OR2L13: variants seen among roughly 807,000 people sequenced by gnomAD.
The protein encoded by OR2L13 is olfactory receptor 2L13.
A neutral mutation model predicts 15.3 loss-of-function variants in OR2L13; 14 were observed. The ratio of observed to expected loss-of-function variants is 0.91; its 90% CI spans 0.60 to 1.43. The LOEUF (loss-of-function observed/expected upper bound fraction) is 1.43, where lower values mean the gene tolerates loss of function less well. Ranked by LOEUF, OR2L13 falls within the 40% of genes most tolerant of loss-of-function variation. OR2L13 has a pLI of 0.00. For missense variants in OR2L13, 367 were observed against 387.9 expected (o/e 0.95, Z 0.45); for synonymous variants, 152 against 142.9 (o/e 1.06, Z -0.45).
At chr1:248,048,951 G>A in the OR2L13 span, among the ~76,000 whole-genome samples, 3 of 141,042 alleles carry the variant, frequency 2.1e-5, no homozygotes, top group Non-Finnish European at 4.5e-5. Context: ...AAATCCACAC[G>A]TTTTCTGCAC....
chr1:248,048,054 G>C, the OR2L13 span, among the ~76,000 whole-genome samples: 1 of 152,174 alleles, frequency 6.6e-6, no homozygotes, highest in African/African-American at 2.4e-5. Flanking sequence ...ACAGCGTGAA[G>C]CAGAGTAAGC....
the OR2L13 span, among the ~76,000 whole-genome samples, chr1:248,014,270 TTAAAG>T: frequency 2.0e-5 from 3 of 152,088 alleles, no homozygotes; most frequent in Non-Finnish European, 4.4e-5. Flanking sequence ...TAGGAGGCCA[TTAAAG>T]TAAAGACAGA....
the OR2L13 span, among the ~76,000 whole-genome samples, chr1:248,089,710 T>C: frequency 6.6e-6 from 1 of 152,164 alleles, no homozygotes. Context: ...AAACTTGGAA[T>C]CCCACTAAAT....
the OR2L13 span, among the ~76,000 whole-genome samples, chr1:248,073,537 T>C: frequency 5.3e-5 from 8 of 151,760 alleles, no homozygotes; most frequent in East Asian, 1.5e-3. Flanking sequence ...AATTATGAGT[T>C]AATGGGTGCA....
chr1:248,005,451 T>A, the OR2L13 span, among the ~76,000 whole-genome samples: 3 of 152,312 alleles, frequency 2.0e-5, no homozygotes, highest in African/African-American at 4.8e-5. Context: ...TTATTCCATG[T>A]TTGTAGTATA....
At chr1:247,992,199 CTCTT>C in the OR2L13 span, among the ~76,000 whole-genome samples, 1 of 138,486 alleles carries the variant, frequency 7.2e-6, no homozygotes, top group Non-Finnish European at 1.6e-5. Flanking sequence ...AATATGTTTT[CTCTT>C]TCTGATGATT....
the OR2L13 span, among the ~76,000 whole-genome samples, chr1:248,068,501 TCAC>T: frequency 6.6e-6 from 1 of 151,920 alleles, no homozygotes; most frequent in Non-Finnish European, 1.5e-5. Context: ...CATCTGTACA[TCAC>T]CATCATCAAA....
chr1:248,080,643 A>C, the OR2L13 span, among the ~76,000 whole-genome samples: 1 of 152,164 alleles, frequency 6.6e-6, no homozygotes, highest in Non-Finnish European at 1.5e-5. Flanking sequence ...TTTGTGGTGT[A>C]TATGGGGCAC....
chr1:248,024,366 A>G, the OR2L13 span: 1 of 152,230 alleles, frequency 6.6e-6, no homozygotes, highest in Admixed American at 6.5e-5. Context: ...TGACTGTAAA[A>G]TTCAAGGAAA....
the OR2L13 span, among the ~76,000 whole-genome samples, chr1:247,959,834 A>T: frequency 5.9e-5 from 9 of 152,092 alleles, no homozygotes; most frequent in African/African-American, 2.2e-4. Flanking sequence ...TATTCTAGTC[A>T]GCCATTCATC....
the OR2L13 span, among the ~76,000 whole-genome samples, chr1:247,993,760 G>GGA: frequency 5.6e-5 from 3 of 53,710 alleles, no homozygotes; most frequent in East Asian, 9.1e-4. Context: ...ACAGAGAGAG[G>GGA]GGGAGAGAGA....
chr1:248,081,258 A>G, the OR2L13 span, among the ~76,000 whole-genome samples: 16 of 152,270 alleles, frequency 1.1e-4, no homozygotes, highest in South Asian at 2.1e-3. Flanking sequence ...TTTATTTTAT[A>G]TTTAATTTCA....
chr1:247,953,068 A>T, the OR2L13 span, among the ~76,000 whole-genome samples: 1 of 152,088 alleles, frequency 6.6e-6, no homozygotes, highest in Non-Finnish European at 1.5e-5. Context: ...CTTTCCCCTT[A>T]AGGTCATTAA....
chr1:248,003,127 C>A, the OR2L13 span: 1 of 1,261,778 alleles, frequency 7.9e-7, no homozygotes, highest in Non-Finnish European at 1.2e-6. Context: ...TGTAGGAATG[C>A]CCCATGGAAA....
the OR2L13 span, among the ~76,000 whole-genome samples, chr1:248,027,145 G>A: frequency 6.8e-6 from 1 of 147,416 alleles, no homozygotes; most frequent in Non-Finnish European, 1.5e-5. Flanking sequence ...CTCTAAAATG[G>A]CCACTTTGGG....
At chr1:248,001,531 TA>T in the OR2L13 span, among the ~76,000 whole-genome samples, 38 of 151,158 alleles carry the variant, frequency 2.5e-4, no homozygotes, top group African/African-American at 8.8e-4. Flanking sequence ...TTTCTGTAAA[TA>T]AAAAAATAAA....
chr1:248,075,242 T>C, the OR2L13 span, among the ~76,000 whole-genome samples: 1 of 152,242 alleles, frequency 6.6e-6, no homozygotes, highest in African/African-American at 2.4e-5. Flanking sequence ...ATGGTGTATA[T>C]GTGCCACATT....
chr1:247,978,962 C>G, the OR2L13 span, among the ~76,000 whole-genome samples: 1 of 152,106 alleles, frequency 6.6e-6, no homozygotes, highest in Admixed American at 6.5e-5. Flanking sequence ...GTTTCTGTCT[C>G]ATGTCCCCCA....
chr1:247,983,664 G>A, the OR2L13 span, among the ~76,000 whole-genome samples: 4 of 152,126 alleles, frequency 2.6e-5, no homozygotes, highest in African/African-American at 4.8e-5. Flanking sequence ...TTTAAATAAT[G>A]TAATATGATA....
Sources: allele counts gnomAD v4.1 joint callset (sites outside exome capture counted in the v4.1 genomes callset), GRCh38; gene constraint gnomAD v4.1.1; transcripts MANE v1.5; gene names NCBI Gene and HGNC (gene_info 2026-07-23, HGNC 2026-07-21).